The following DEPDC1B variants were observed in gnomAD, a reference collection of about 807,000 sequenced individuals.
DEPDC1B encodes the protein DEP domain containing 1B.
A neutral mutation model predicts 66.5 loss-of-function variants in DEPDC1B; 51 were observed. The observed-to-expected ratio is 0.77, with a 90% CI of 0.61 to 0.97. The LOEUF (loss-of-function observed/expected upper bound fraction) is 0.97, where lower values mean the gene tolerates loss of function less well. DEPDC1B is among the 50% of genes least tolerant of loss of function. The pLI, the probability that DEPDC1B is intolerant of heterozygous loss-of-function variation, is 0.00. For missense variants in DEPDC1B, 552 were observed against 637.1 expected (o/e 0.87, Z 1.44); for synonymous variants, 226 against 223.6 (o/e 1.01, Z -0.10).
At chr5:60,650,528 A>G (rs1473883217) in intron 2 of DEPDC1B, among the ~76,000 whole-genome samples, 1 of 152,220 alleles carries the variant, frequency 6.6e-6, no homozygotes, top group East Asian at 1.9e-4. Flanking sequence ...ACATTTCTCC[A>G]GACATTGCCA....
chr5:60,602,024 G>C (rs1752207960), intron 9 of DEPDC1B, among the ~76,000 whole-genome samples: 1 of 152,140 alleles, frequency 6.6e-6, no homozygotes, highest in African/African-American at 2.4e-5. Flanking sequence ...CTGAGTCTGT[G>C]CTCTTGGCCA....
chr5:60,610,418 T>C (rs1328195847), intron 7 of DEPDC1B, among the ~76,000 whole-genome samples: 2 of 152,236 alleles, frequency 1.3e-5, no homozygotes, highest in Non-Finnish European at 2.9e-5. Flanking sequence ...AGGAGGAAGA[T>C]ACAACATGAA....
chr5:60,623,275 T>C (rs1047031441), intron 7 of DEPDC1B, among the ~76,000 whole-genome samples: 1 of 152,146 alleles, frequency 6.6e-6, no homozygotes, highest in African/African-American at 2.4e-5. Context: ...GAAAATCACT[T>C]GACTACAGAT....
At chr5:60,684,757 A>T (rs1754374678) in intron 2 of DEPDC1B, among the ~76,000 whole-genome samples, 1 of 152,198 alleles carries the variant, frequency 6.6e-6, no homozygotes, top group Non-Finnish European at 1.5e-5. Context: ...ATATCAAACT[A>T]AAAAGCTTCT....
At chr5:60,688,395 G>A (rs983298456) in intron 1 of DEPDC1B, among the ~76,000 whole-genome samples, 2 of 152,124 alleles carry the variant, frequency 1.3e-5, no homozygotes, top group Non-Finnish European at 2.9e-5. Context: ...ACACTGCTGG[G>A]TTGAGAGGCC....
intron 1 of DEPDC1B, among the ~76,000 whole-genome samples, chr5:60,691,571 T>C (rs1463302119): frequency 1.3e-5 from 2 of 151,828 alleles, no homozygotes; most frequent in Non-Finnish European, 2.9e-5. Flanking sequence ...GGCAAGCCAC[T>C]GAGTAGGATA....
At position 60,661,154 on chromosome 5, in the gene DEPDC1B, T is replaced by C. The variant is rs150230837; in HGVS notation, c.315-13621A>G. On this transcript the variant is annotated intron_variant, in intron 2 of 10. Coordinates refer to ENST00000265036, the MANE Select transcript of DEPDC1B (RefSeq NM_018369.3). Reference sequence around the variant, plus strand: ...ACATCTTAATGGGGCAGCTGGGTTATGAAATACTCAGGAACCCAGCTCAGC... The same window carrying C: ...ACATCTTAATGGGGCAGCTGGGTTACGAAATACTCAGGAACCCAGCTCAGC... Among the ~76,000 whole-genome samples the C allele has an allele frequency of 6.0e-4, 92 of 152,278 alleles. 1 individual carries two copies. The highest frequency in any genetic ancestry group is 2.2e-3 in the African/African-American group (90 of 41,554).
intron 7 of DEPDC1B, among the ~76,000 whole-genome samples, chr5:60,632,880 G>C (rs902120135): frequency 6.6e-6 from 1 of 152,206 alleles, no homozygotes; most frequent in Non-Finnish European, 1.5e-5. Context: ...GTGGACTTCT[G>C]GAAGTGAAGA....
chr5:60,679,412 T>C (rs868867560), intron 2 of DEPDC1B, among the ~76,000 whole-genome samples: 32 of 152,156 alleles, frequency 2.1e-4, no homozygotes, highest in Middle Eastern at 3.4e-3. Flanking sequence ...CAAACTTTAG[T>C]TTCAAATTAA....
chr5:60,644,922 A>G, intron 4 of DEPDC1B, 47 bp from the exon 5 acceptor site: 1 of 1,432,300 alleles, frequency 7.0e-7, no homozygotes, highest in Non-Finnish European at 9.4e-7. Flanking sequence ...TTAATATTAT[A>G]TTTACTCAAA....
intron 7 of DEPDC1B, among the ~76,000 whole-genome samples, chr5:60,636,609 A>C (rs914740693): frequency 4.6e-5 from 7 of 152,170 alleles, no homozygotes; most frequent in African/African-American, 1.7e-4. Flanking sequence ...TTCCCACAGA[A>C]TCTAACAGGA....
Position 60,668,289 on chromosome 5 carries a change from T to G in DEPDC1B, c.314+18673A>C, listed in dbSNP as rs188467462. On this transcript the variant is annotated intron_variant, in intron 2 of 10. Transcript: ENST00000265036. ...TATATATATATATATGTATTTTTTTTTTTGAGATGGAGTCTCGCTCTGTCA... is the reference window on the plus strand; with the variant it reads ...TATATATATATATATGTATTTTTTTGTTTGAGATGGAGTCTCGCTCTGTCA... Among the ~76,000 whole-genome samples, 1,160 of 138,642 alleles carry G rather than the reference T, an allele frequency of 8.4e-3. 53 individuals carry two copies. The highest frequency in any genetic ancestry group is 0.031 in the African/African-American group (1,110 of 35,584). The allele number at this position is 138,642 out of a possible 152,430, so 91.0% of individuals were successfully genotyped here.
intron 7 of DEPDC1B, among the ~76,000 whole-genome samples, chr5:60,613,445 C>T (rs1752464497): frequency 6.6e-6 from 1 of 152,108 alleles, no homozygotes; most frequent in Non-Finnish European, 1.5e-5. Context: ...GTGCTAAGAT[C>T]TGAGAATCCC....
At chr5:60,698,507 C>G (rs1221223423) in intron 1 of DEPDC1B, among the ~76,000 whole-genome samples, 1 of 152,196 alleles carries the variant, frequency 6.6e-6, no homozygotes, top group African/African-American at 2.4e-5. Context: ...TTCCATCATC[C>G]AGTAATAGCC....
intron 2 of DEPDC1B, among the ~76,000 whole-genome samples, chr5:60,670,256 C>A (rs148631334): frequency 6.6e-6 from 1 of 152,052 alleles, no homozygotes. Context: ...TGGTGGCAGG[C>A]GCCTGTAGTC....
At chr5:60,638,088 T>C (rs1311425229) in intron 7 of DEPDC1B, among the ~76,000 whole-genome samples, 1 of 152,160 alleles carries the variant, frequency 6.6e-6, no homozygotes, top group Non-Finnish European at 1.5e-5. Flanking sequence ...TCCTTAAAGC[T>C]CTTTTGACAA....
At chr5:60,685,519 GA>G (rs1754393425) in intron 2 of DEPDC1B, among the ~76,000 whole-genome samples, 1 of 152,036 alleles carries the variant, frequency 6.6e-6, no homozygotes, top group African/African-American at 2.4e-5. Context: ...TTTAAAGGGG[GA>G]TACATGGTTA....
intron 1 of DEPDC1B, among the ~76,000 whole-genome samples, chr5:60,694,619 G>A (rs1312128456): frequency 1.3e-5 from 2 of 151,974 alleles, no homozygotes; most frequent in Admixed American, 1.3e-4. Context: ...TATTTTGTTT[G>A]CATTTTCATA....
intron 2 of DEPDC1B, among the ~76,000 whole-genome samples, chr5:60,656,384 G>A (rs529146731): frequency 8.6e-5 from 13 of 152,036 alleles, no homozygotes; most frequent in Admixed American, 2.0e-4. Flanking sequence ...TCCTGACCTC[G>A]TGATCTACCC....
Sources: gnomAD v4.1 joint callset for allele counts (sites outside exome capture counted in the v4.1 genomes callset) on GRCh38, gnomAD v4.1.1 for gene constraint, MANE v1.5 for transcripts, NCBI Gene and HGNC (gene_info 2026-07-23, HGNC 2026-07-21) for gene names.